The following SLC6A15 variants were observed in gnomAD, a reference collection of about 807,000 sequenced individuals.
SLC6A15 encodes solute carrier family 6 member 15, also known as sodium-dependent neutral amino acid transporter B(0)AT2.
A neutral mutation model predicts 68.5 loss-of-function variants in SLC6A15; 33 were observed. The observed-to-expected ratio is 0.48, with a 90% CI of 0.37 to 0.64. SLC6A15 has a LOEUF of 0.64. Ranked by LOEUF, SLC6A15 falls within the 30% of genes least tolerant of loss-of-function variation. The probability of loss-of-function intolerance (pLI) is 0.00; values close to 1 mark genes in which losing one functional copy is unlikely to be tolerated. For synonymous variants in SLC6A15, 347 were observed against 301.0 expected, an observed-to-expected ratio of 1.15 and a Z score of -1.58; for missense variants, 747 against 874.3, an observed-to-expected ratio of 0.85 and a Z score of 1.84.
At chr12:84,903,529 C>A (rs569630477) in intron 1 of SLC6A15, among the ~76,000 whole-genome samples, 22 of 152,196 alleles carry the variant, frequency 1.4e-4, no homozygotes, top group African/African-American at 4.6e-4. Flanking sequence ...AAGTTACAGT[C>A]AACCAAAATC....
chr12:84,905,510 C>G (rs75139174), intron 1 of SLC6A15, among the ~76,000 whole-genome samples: 1 of 152,128 alleles, frequency 6.6e-6, no homozygotes. Flanking sequence ...AAAACGTCCA[C>G]TCTCACACTC....
chr12:84,864,539 C>T (rs1870989401), intron 10 of SLC6A15, among the ~76,000 whole-genome samples: 1 of 152,012 alleles, frequency 6.6e-6, no homozygotes, highest in Admixed American at 6.6e-5. Flanking sequence ...AGACTGCTCT[C>T]GATCTCCTGA....
chr12:84,884,859 T>G (rs1377757216), intron 4 of SLC6A15, among the ~76,000 whole-genome samples: 2 of 151,958 alleles, frequency 1.3e-5, no homozygotes, highest in African/African-American at 4.8e-5. Flanking sequence ...AATAGTATTT[T>G]TATATAATAG....
Position 84,861,332 on chromosome 12 carries a change from T to C in SLC6A15, c.*300A>G, listed in dbSNP as rs1320176495. 7 of 239,558 alleles carry C rather than the reference T, an allele frequency of 2.9e-5. No homozygotes were observed. Among genetic ancestry groups the C allele is most frequent in the Admixed American group, 5.0e-5 (1 of 19,894 alleles). The allele number at this position is 239,558 out of a possible 1,614,324, so 14.8% of individuals were successfully genotyped here. ...CAGAAATTATTAGAAACTGAGGTAA[T>C]ACCATTTTTTTAAGAGATAGAAATA... On this transcript the variant is annotated 3_prime_UTR_variant, in exon 12 of 12. Coordinates refer to ENST00000266682, the MANE Select transcript of SLC6A15 (RefSeq NM_182767.6).
chr12:84,898,216 C>G (rs949931149), intron 1 of SLC6A15, among the ~76,000 whole-genome samples: 1 of 152,124 alleles, frequency 6.6e-6, no homozygotes, highest in Admixed American at 6.5e-5. Flanking sequence ...TGGCATGCAC[C>G]TTTAGTCCCA....
At chr12:84,867,970 T>C (rs953549224) in intron 9 of SLC6A15, 1 of 152,210 alleles carries the variant, frequency 6.6e-6, no homozygotes, top group Non-Finnish European at 1.5e-5. Context: ...TTTGTGCTCA[T>C]TAGCAGAGAA....
chr12:84,867,159 C>T lies in SLC6A15; in HGVS notation c.1530G>A (p.Leu510=). The change falls in exon 10 of 12, where the codon CTG becomes CTA. Residue 510 remains leucine, a synonymous_variant. Transcript: ENST00000266682. ...ICCLLAFCIG[L]IFVQRSGNYF... is the part of the protein sequence containing the mutation. ...AATTTCCAGAGCGTTGCACAAATAT[C>T]AGGCCAATACAAAATGCCAGAAGAC... 6.2e-7 allele frequency: 1 copy of T among 1,606,986 alleles called. No homozygotes were observed. The highest frequency in any genetic ancestry group is 8.5e-7 in the Non-Finnish European group (1 of 1,177,072).
intron 3 of SLC6A15, 139 bp downstream of exon 3, chr12:84,885,772 T>A: frequency 3.0e-6 from 3 of 987,038 alleles, no homozygotes; most frequent in Non-Finnish European, 4.4e-6. Context: ...TTATAGTTAA[T>A]CCATATGCCA....
At position 84,870,522 on chromosome 12, in the gene SLC6A15, G is replaced by A. The variant is rs199711818; in HGVS notation, c.1451C>T (p.Thr484Met). 26 of 1,585,756 alleles carry A rather than the reference G, an allele frequency of 1.6e-5. No homozygotes were observed. Among genetic ancestry groups the A allele is most frequent in the East Asian group, 7.0e-5 (3 of 42,868 alleles). ...CACTTTGAAAGTGTCCACAATAGGC[G>A]TGACAATCCCTTCAATGGTTCCAAA... Reference protein sequence around the residue: ...SMFGTIEGIVTPIVDTFKVRK... With the variant: ...SMFGTIEGIVMPIVDTFKVRK... Residue 484 changes from threonine (T) to methionine (M), a missense_variant, in exon 9 of 12, where the codon ACG becomes ATG. Transcript: ENST00000266682.
At chr12:84,880,841 A>G in intron 5 of SLC6A15, 2 of 877,594 alleles carry the variant, frequency 2.3e-6, no homozygotes, top group Non-Finnish European at 2.7e-6. Context: ...GAAAACAAAA[A>G]CCATTGTTTT....
intron 5 of SLC6A15, among the ~76,000 whole-genome samples, chr12:84,880,431 C>A (rs1047834786): frequency 6.6e-6 from 1 of 152,090 alleles, no homozygotes; most frequent in Non-Finnish European, 1.5e-5. Context: ...TCTCTCCATG[C>A]GTTACGTCTT....
chr12:84,867,281 TA>T, intron 9 of SLC6A15, 88 bp from the exon 10 acceptor site: 1 of 1,116,626 alleles, frequency 9.0e-7, no homozygotes, highest in South Asian at 2.2e-5. Context: ...TTCAAACTTT[TA>T]AAACTTTTAT....
intron 6 of SLC6A15, among the ~76,000 whole-genome samples, chr12:84,873,944 T>C (rs1871403414): frequency 6.6e-6 from 1 of 152,220 alleles, no homozygotes; most frequent in Admixed American, 6.5e-5. Flanking sequence ...ATTGAACAGA[T>C]ATTAAATATT....
chr12:84,910,961 C>T (rs139924877), intron 1 of SLC6A15, among the ~76,000 whole-genome samples: 3 of 147,710 alleles, frequency 2.0e-5, no homozygotes, highest in Non-Finnish European at 2.9e-5. Flanking sequence ...GTGTCTTTAA[C>T]CCTCGCCTTC....
chr12:84,909,309 A>T (rs1021890570), intron 1 of SLC6A15, among the ~76,000 whole-genome samples: 1 of 152,154 alleles, frequency 6.6e-6, no homozygotes, highest in African/African-American at 2.4e-5. Context: ...AATCACAAGG[A>T]AATAAAGTGA....
chr12:84,901,000 G>GTA (rs1247237775), intron 1 of SLC6A15, among the ~76,000 whole-genome samples: 17 of 97,160 alleles, frequency 1.7e-4, no homozygotes, highest in Admixed American at 3.8e-4. Flanking sequence ...GTATAGATAT[G>GTA]TATATATATA....
Position 84,902,226 on chromosome 12 carries a change from C to CT in SLC6A15, c.-188-9919dup, listed in dbSNP as rs201309215. 5.9e-3 allele frequency among the ~76,000 whole-genome samples: 901 copies of CT among 151,974 alleles called. 12 individuals carry two copies. The highest frequency in any genetic ancestry group is 0.021 in the African/African-American group (860 of 41,524). The stretch of plus-strand genomic sequence containing the variant: ...ACAGAGCCAATCAAAAGGAAGGGAA[C>CT]TTTTTTTACAAATAACAATACCAAG... On this transcript the variant is annotated intron_variant, in intron 1 of 11. Coordinates refer to ENST00000266682, the MANE Select transcript of SLC6A15 (RefSeq NM_182767.6).
chr12:84,879,346 G>T (rs937974448), intron 5 of SLC6A15, among the ~76,000 whole-genome samples: 1 of 150,558 alleles, frequency 6.6e-6, no homozygotes, highest in Non-Finnish European at 1.5e-5. Context: ...TTTTTTTGGA[G>T]ACCGAGTCTC....
chr12:84,867,331 T>C (rs923364870), intron 9 of SLC6A15, 138 bp from the exon 10 acceptor site: 4 of 592,876 alleles, frequency 6.7e-6, no homozygotes, highest in Non-Finnish European at 1.1e-5. Context: ...CCTTTCCTGA[T>C]ACATGGCATA....
Sources: gnomAD v4.1 joint callset for allele counts (sites outside exome capture counted in the v4.1 genomes callset) on GRCh38, gnomAD v4.1.1 for gene constraint, MANE v1.5 for transcripts, NCBI Gene and HGNC (gene_info 2026-07-23, HGNC 2026-07-21) for gene names.